RREB1: variants seen among roughly 807,000 people sequenced by gnomAD.
RREB1 encodes ras-responsive element-binding protein 1.
A neutral mutation model predicts 117.8 loss-of-function variants in RREB1; 27 were observed. That is an observed-to-expected ratio of 0.23 (90% CI 0.17 to 0.32). The LOEUF is 0.32. Ranked by LOEUF, RREB1 falls within the 10% of genes least tolerant of loss-of-function variation. The pLI is 1.00. For missense variants in RREB1, 2,577 were observed against 2,378.2 expected (o/e 1.08, Z -1.74); for synonymous variants, 1,298 against 1,026.7 (o/e 1.26, Z -5.05).
In RREB1 at chr6:7,231,451, G is replaced by T; in HGVS notation, c.3352G>T (p.Ala1118Ser). The stretch of plus-strand genomic sequence containing the variant: ...CAAAGCCGCCACCACCGCCACCCCC[G>T]CTGCCACCACCAGCCCAAAAGAGTC... Reference protein sequence around the residue: ...VPKAATTATPAATTSPKESSE... With the variant: ...VPKAATTATPSATTSPKESSE... The change falls in exon 10 of 13, where the codon GCT (alanine) becomes TCT (serine). Residue 1118 changes from alanine (A) to serine (S), a missense_variant. Physicochemically the swap from Ala to Ser is moderately conservative, Grantham distance 99. Transcript: ENST00000379938. 6.2e-7 allele frequency: 1 copy of T among 1,612,810 alleles called. No individual in the cohort carries two copies. The highest frequency in any genetic ancestry group is 8.5e-7 in the Non-Finnish European group (1 of 1,179,786).
intron 1 of RREB1, among the ~76,000 whole-genome samples, chr6:7,160,445 A>G (rs1387408851): frequency 4.6e-5 from 7 of 152,238 alleles, no homozygotes. Flanking sequence ...ATAGCATAGA[A>G]TCTTAAATGT....
At chr6:7,127,930 C>T (rs948553393) in intron 1 of RREB1, among the ~76,000 whole-genome samples, 1 of 152,036 alleles carries the variant, frequency 6.6e-6, no homozygotes, top group African/African-American at 2.4e-5. Flanking sequence ...CATCATGTGC[C>T]CGAGGCCTGA....
At chr6:7,239,216 G>A (rs1400907424) in intron 10 of RREB1, among the ~76,000 whole-genome samples, 1 of 152,202 alleles carries the variant, frequency 6.6e-6, no homozygotes, top group Non-Finnish European at 1.5e-5. Flanking sequence ...CAATCCTAGG[G>A]TTATGAGACA....
Position 7,246,854 on chromosome 6 carries a change from G to T in RREB1, c.4404G>T (p.Lys1468Asn), listed in dbSNP as rs1769092442. Residue 1468 changes from lysine (K) to asparagine (N), a missense_variant, in exon 12 of 13, where the codon AAG (lysine) becomes AAT (asparagine). Coordinates refer to ENST00000379938, the MANE Select transcript of RREB1 (RefSeq NM_001003699.4). The stretch of plus-strand genomic sequence containing the variant: ...TGGGCACCCTGAGCCGCCACCGGAA[G>T]GCGCACGGCCGCCAGGAGCCCAAGG... ...KFLGTLSRHR[K>N]AHGRQEPKDE... 1.3e-6 allele frequency: 2 copies of T among 1,553,328 alleles called. No homozygotes were observed. Among genetic ancestry groups the T allele is most frequent in the East Asian group, 4.8e-5 (2 of 41,294 alleles).
In RREB1 at chr6:7,231,655, G is replaced by A. The variant is rs765885444; in HGVS notation, c.3556G>A (p.Ala1186Thr). 3 of 1,611,492 alleles carry A rather than the reference G, an allele frequency of 1.9e-6. No homozygotes were observed. The highest frequency in any genetic ancestry group is 8.5e-7 in the Non-Finnish European group (1 of 1,178,778). The change falls in exon 10 of 13, where the codon GCC (alanine) becomes ACC (threonine). Residue 1186 changes from alanine to threonine, a missense_variant. Transcript: ENST00000379938. ...GTTTGCCAGCATCGAGAAGATGCTGGCCACCACAGACACCAACAAGTTCAG... is the reference window on the plus strand; with the variant it reads ...GTTTGCCAGCATCGAGAAGATGCTGACCACCACAGACACCAACAAGTTCAG... Reference protein sequence around the residue: ...GEFASIEKMLATTDTNKFSPF... With the variant: ...GEFASIEKMLTTTDTNKFSPF...
Position 7,118,801 on chromosome 6 carries a change from A to AT in RREB1, c.-285+10771dup, listed in dbSNP as rs70978942. 2.9e-3 allele frequency among the ~76,000 whole-genome samples: 136 copies of AT among 47,048 alleles called. 2 individuals are homozygous for AT. The highest frequency in any genetic ancestry group is 0.021 in the South Asian group (21 of 1,010). The allele number at this position is 47,048 out of a possible 152,430, so 30.9% of individuals were successfully genotyped here. ...TGCCAATCCCATGGTGTTTTTTTTA[A>AT]TTTTTTTTTTTTTTTTTTTTTTTTT... is the stretch of plus-strand genomic sequence containing the variant. On this transcript the variant is annotated intron_variant, in intron 1 of 12. Transcript: ENST00000379938.
At chr6:7,167,641 A>AT (rs1764016035) in intron 1 of RREB1, among the ~76,000 whole-genome samples, 1 of 152,162 alleles carries the variant, frequency 6.6e-6, no homozygotes, top group Non-Finnish European at 1.5e-5. Context: ...GGGGACAGGA[A>AT]TTTTTTTAGA....
At chr6:7,247,854 CCTT>C (rs971600325) in intron 12 of RREB1, among the ~76,000 whole-genome samples, 3 of 152,204 alleles carry the variant, frequency 2.0e-5, no homozygotes, top group African/African-American at 4.8e-5. Flanking sequence ...AGAGATATAT[CCTT>C]CTTCTTTCCA....
rs1325806199 is a variant in RREB1, at chr6:7,230,794, C to T, written c.2695C>T (p.Pro899Ser). 15 of 1,614,018 alleles carry T rather than the reference C, an allele frequency of 9.3e-6. No individual in the cohort carries two copies. Among genetic ancestry groups the T allele is most frequent in the Non-Finnish European group, 1.3e-5 (15 of 1,179,916 alleles). ...ASSFAVDFNE[P>S]LDFSQKGLAL... The stretch of plus-strand genomic sequence containing the variant: ...TAGCTTTGCGGTGGACTTCAATGAG[C>T]CCCTGGACTTCTCGCAGAAGGGCCT... Residue 899 changes from proline to serine, a missense_variant, in exon 10 of 13, where the codon CCC (proline) becomes TCC (serine). Pro to Ser is a moderately conservative substitution (Grantham distance 74). Coordinates refer to ENST00000379938, the MANE Select transcript of RREB1 (RefSeq NM_001003699.4).
chr6:7,165,313 C>T (rs1270295378), intron 1 of RREB1, among the ~76,000 whole-genome samples: 1 of 152,186 alleles, frequency 6.6e-6, no homozygotes, highest in African/African-American at 2.4e-5. Flanking sequence ...CCCCTCCTAA[C>T]ACTGGATAAC....
intron 1 of RREB1, among the ~76,000 whole-genome samples, chr6:7,117,289 A>G (rs187668052): frequency 6.6e-6 from 1 of 152,114 alleles, no homozygotes; most frequent in African/African-American, 2.4e-5. Flanking sequence ...TAATTTTCTC[A>G]TAAAAGAGGT....
chr6:7,203,934 C>T (rs945896739), intron 6 of RREB1, among the ~76,000 whole-genome samples: 1 of 152,184 alleles, frequency 6.6e-6, no homozygotes, highest in African/African-American at 2.4e-5. Context: ...GGCCATATTG[C>T]CCACATCAGA....
At chr6:7,167,841 T>C (rs1374010494) in intron 1 of RREB1, among the ~76,000 whole-genome samples, 1 of 152,194 alleles carries the variant, frequency 6.6e-6, no homozygotes, top group Admixed American at 6.5e-5. Context: ...CAAGCACTCC[T>C]TTGAACCTAT....
At chr6:7,190,105 A>C (rs962594283) in intron 6 of RREB1, among the ~76,000 whole-genome samples, 4 of 152,192 alleles carry the variant, frequency 2.6e-5, no homozygotes, top group African/African-American at 9.7e-5. Context: ...TAAACACTAA[A>C]ATGAGTTGGA....
At chr6:7,166,093 G>A (rs1763914720) in intron 1 of RREB1, among the ~76,000 whole-genome samples, 1 of 152,128 alleles carries the variant, frequency 6.6e-6, no homozygotes, top group Admixed American at 6.5e-5. Context: ...GTGCAGTTGT[G>A]AACTAATCAC....
chr6:7,190,330 C>T (rs1561771314), intron 6 of RREB1, among the ~76,000 whole-genome samples: 1 of 152,106 alleles, frequency 6.6e-6, no homozygotes, highest in Non-Finnish European at 1.5e-5. Flanking sequence ...CCCCCCAAAA[C>T]GAGATTTTTA....
intron 4 of RREB1, among the ~76,000 whole-genome samples, chr6:7,186,424 C>T (rs1260795302): frequency 2.0e-5 from 3 of 152,188 alleles, no homozygotes; most frequent in Non-Finnish European, 4.4e-5. Context: ...TGTGGCACGT[C>T]CAGAATCTGG....
In RREB1 at chr6:7,240,445, A is replaced by G. The variant is rs1768633565; in HGVS notation, c.3816A>G (p.Lys1272=). The G allele has an allele frequency of 1.2e-6, 2 of 1,612,544 alleles. No individual in the cohort carries two copies. The highest frequency in any genetic ancestry group is 2.7e-5 in the African/African-American group (2 of 74,842). The change falls in exon 11 of 13, where the codon AAA becomes AAG. Residue 1272 remains lysine, a synonymous_variant. Transcript: ENST00000379938. ...TTTTTTTTCCTGCTTCAGGTCAGAA[A>G]CCCTTCCCTTGTCAAAAATGCGATG... ...QRHMLTHTGQ[K]PFPCQKCDAF... is the part of the protein sequence containing the mutation.
chr6:7,154,163 A>T (rs1251745346), intron 1 of RREB1, among the ~76,000 whole-genome samples: 1 of 152,230 alleles, frequency 6.6e-6, no homozygotes, highest in African/African-American at 2.4e-5. Flanking sequence ...TTCTCTATGC[A>T]CATAAACTAG....
Sources: gnomAD v4.1 joint callset for allele counts (sites outside exome capture counted in the v4.1 genomes callset) on GRCh38, gnomAD v4.1.1 for gene constraint, MANE v1.5 for transcripts, NCBI Gene and HGNC (gene_info 2026-07-23, HGNC 2026-07-21) for gene names.